TMEM163: variants seen among roughly 807,000 people sequenced by gnomAD.
The protein encoded by TMEM163 is transmembrane protein 163.
TMEM163 carries 17 observed loss-of-function variants against 29.3 expected under a neutral mutation model. The observed-to-expected ratio is 0.58, with a 90% CI of 0.40 to 0.87. The LOEUF is 0.87. Ranked by LOEUF, TMEM163 falls within the 40% of genes least tolerant of loss-of-function variation. The pLI, the probability that TMEM163 is intolerant of heterozygous loss-of-function variation, is 0.00. For missense variants in TMEM163, 303 were observed against 381.5 expected, an observed-to-expected ratio of 0.79 and a Z score of 1.71; for synonymous variants, 157 against 160.6, an observed-to-expected ratio of 0.98 and a Z score of 0.17.
chr2:134,565,659 A>C (rs75146480), intron 2 of TMEM163, among the ~76,000 whole-genome samples: 1,670 of 152,304 alleles, frequency 0.011, 33 homozygotes, highest in African/African-American at 0.038. Context: ...GATGCTTACA[A>C]AATGTTCACA....
chr2:134,695,785 G>T (rs1462785227), intron 2 of TMEM163, among the ~76,000 whole-genome samples: 1 of 152,110 alleles, frequency 6.6e-6, no homozygotes, highest in East Asian at 1.9e-4. Context: ...TTTTGGTTGG[G>T]CATGGTAGCT....
intron 2 of TMEM163, among the ~76,000 whole-genome samples, chr2:134,618,402 C>T (rs1682658089): frequency 6.6e-6 from 1 of 152,068 alleles, no homozygotes; most frequent in African/African-American, 2.4e-5. Context: ...CTCCAAAACA[C>T]ATGTAGTCAA....
intron 2 of TMEM163, among the ~76,000 whole-genome samples, chr2:134,664,029 A>G (rs143022641): frequency 1.3e-3 from 204 of 152,236 alleles, no homozygotes; most frequent in African/African-American, 4.7e-3. Context: ...TTTTTGTTCC[A>G]TGCCTCTCCT....
At chr2:134,680,127 A>C (rs919696419) in intron 2 of TMEM163, among the ~76,000 whole-genome samples, 9 of 152,358 alleles carry the variant, frequency 5.9e-5, no homozygotes, top group African/African-American at 1.9e-4. Flanking sequence ...ACTGTTCAGA[A>C]GCCTGTTAAC....
rs1489101259 is a variant in TMEM163 at position 134,455,953 on chromosome 2, C to T, written c.*763G>A. On this transcript the variant is annotated 3_prime_UTR_variant, in exon 8 of 8. Coordinates refer to ENST00000281924, the MANE Select transcript of TMEM163 (RefSeq NM_030923.5). ...TCACAGACTGTAATGTACCCATTAC[C>T]ACTTAACACAGCATATAGATATATG... 6.6e-6 allele frequency: 1 copy of T among 152,462 alleles called. No individual in the cohort carries two copies. Among genetic ancestry groups the T allele is most frequent in the African/African-American group, 2.4e-5 (1 of 41,370 alleles). 9.4% of individuals were successfully genotyped at this position (152,462 alleles called of 1,614,324 possible). A position where few individuals can be genotyped will look rare whatever the true frequency, so the allele number is the denominator to read the frequency against.
intron 2 of TMEM163, among the ~76,000 whole-genome samples, chr2:134,556,243 A>G (rs986642779): frequency 1.3e-5 from 2 of 152,212 alleles, no homozygotes; most frequent in African/African-American, 4.8e-5. Context: ...ACATTAGCCA[A>G]TAATTTCCTT....
At chr2:134,489,177 C>T (rs192021605) in intron 5 of TMEM163, among the ~76,000 whole-genome samples, 3 of 152,266 alleles carry the variant, frequency 2.0e-5, no homozygotes, top group Non-Finnish European at 4.4e-5. Context: ...CTGGAAACTA[C>T]CCAAATGTCC....
At chr2:134,574,744 T>C (rs1243382032) in intron 2 of TMEM163, among the ~76,000 whole-genome samples, 1 of 152,176 alleles carries the variant, frequency 6.6e-6, no homozygotes, top group Non-Finnish European at 1.5e-5. Context: ...GGATCCAGCA[T>C]GCTTTCATGT....
chr2:134,570,184 G>A (rs1321566247), intron 2 of TMEM163, among the ~76,000 whole-genome samples: 2 of 152,162 alleles, frequency 1.3e-5, no homozygotes, highest in Non-Finnish European at 2.9e-5. Flanking sequence ...ACATGCTGAT[G>A]TTGCTAAGAT....
At chr2:134,575,997 G>C (rs1369711673) in intron 2 of TMEM163, among the ~76,000 whole-genome samples, 1 of 152,154 alleles carries the variant, frequency 6.6e-6, no homozygotes, top group Non-Finnish European at 1.5e-5. Context: ...GAGAGCCAGT[G>C]AAAGAAACAA....
At chr2:134,495,942 C>A (rs1366844963) in intron 5 of TMEM163, among the ~76,000 whole-genome samples, 1 of 152,306 alleles carries the variant, frequency 6.6e-6, no homozygotes, top group South Asian at 2.1e-4. Flanking sequence ...CTGCCATTGC[C>A]CCCTGGAAGC....
chr2:134,619,512 A>AG (rs1489151540), intron 2 of TMEM163, among the ~76,000 whole-genome samples: 1 of 152,234 alleles, frequency 6.6e-6, no homozygotes, highest in African/African-American at 2.4e-5. Flanking sequence ...AAATGGTCTC[A>AG]TCAGTAGATG....
intron 6 of TMEM163, 29 bp from the exon 7 acceptor site, chr2:134,458,202 G>A (rs991674587): frequency 4.3e-6 from 7 of 1,612,852 alleles, no homozygotes; most frequent in Non-Finnish European, 5.9e-6. Flanking sequence ...GAGGCTAGAT[G>A]GCAGTGCCAA....
intron 2 of TMEM163, among the ~76,000 whole-genome samples, chr2:134,646,686 C>T (rs917016190): frequency 2.0e-5 from 3 of 151,964 alleles, no homozygotes; most frequent in African/African-American, 7.3e-5. Flanking sequence ...CTCAAGTGAT[C>T]CACCTGCCTC....
intron 2 of TMEM163, among the ~76,000 whole-genome samples, chr2:134,607,014 G>C: frequency 7.0e-6 from 1 of 143,048 alleles, no homozygotes; most frequent in Admixed American, 6.9e-5. Flanking sequence ...GAAAAGGACA[G>C]ACCCCGAGAA....
At chr2:134,647,820 G>A (rs574312049) in intron 2 of TMEM163, among the ~76,000 whole-genome samples, 8 of 152,290 alleles carry the variant, frequency 5.3e-5, no homozygotes, top group African/African-American at 1.2e-4. Context: ...ACAGAGCGGG[G>A]AGCACAGGTG....
chr2:134,497,732 C>T (rs954174693), intron 5 of TMEM163, among the ~76,000 whole-genome samples: 1 of 152,158 alleles, frequency 6.6e-6, no homozygotes, highest in South Asian at 2.1e-4. Context: ...AGAGAGGAAG[C>T]GTGATTTGCT....
rs758189565 is a variant in TMEM163, at chr2:134,472,883, C to A, written c.556-6658G>T. Among the ~76,000 whole-genome samples, 21 of 152,190 alleles carry A rather than the reference C, an allele frequency of 1.4e-4. 1 individual carries two copies. The highest frequency in any genetic ancestry group is 2.9e-4 in the Non-Finnish European group (20 of 68,030). On this transcript the variant is annotated intron_variant, in intron 5 of 7. Coordinates refer to ENST00000281924, the MANE Select transcript of TMEM163 (RefSeq NM_030923.5). ...AAAACTGAATTATACAAGGCATATT[C>A]TCTGACAATGGGATTAAACTAGAAA...
At chr2:134,561,578 T>A (rs753563026) in intron 2 of TMEM163, among the ~76,000 whole-genome samples, 1 of 152,204 alleles carries the variant, frequency 6.6e-6, no homozygotes, top group Non-Finnish European at 1.5e-5. Context: ...CTCGATCTCC[T>A]GACCTCGCGA....
Sources: gnomAD v4.1 joint callset for allele counts (sites outside exome capture counted in the v4.1 genomes callset) on GRCh38, gnomAD v4.1.1 for gene constraint, MANE v1.5 for transcripts, NCBI Gene and HGNC (gene_info 2026-07-23, HGNC 2026-07-21) for gene names.